Variants in RANBP2 observed in about 807,000 individuals in gnomAD.
RANBP2 encodes the protein E3 SUMO-protein ligase RanBP2.
A neutral mutation model predicts 303.6 loss-of-function variants in RANBP2; 57 were observed. That is an observed-to-expected ratio of 0.19 (90% CI 0.15 to 0.23). RANBP2 has a LOEUF of 0.23. Among genes scored for constraint, RANBP2 ranks in the 10% least tolerant of loss-of-function variants. RANBP2 has a pLI of 1.00. For missense variants in RANBP2, 3,138 were observed against 3,780.8 expected, an observed-to-expected ratio of 0.83 and a Z score of 4.46; for synonymous variants, 1,167 against 1,301.5, an observed-to-expected ratio of 0.90 and a Z score of 2.23.
chr2:108,909,658 G>A, the RANBP2 span, among the ~76,000 whole-genome samples: 1 of 152,256 alleles, frequency 6.6e-6, no homozygotes, highest in Admixed American at 6.5e-5. Flanking sequence ...AGCTGATGCT[G>A]TGGGGTTGAT....
the RANBP2 span, among the ~76,000 whole-genome samples, chr2:109,648,274 G>C: frequency 1.3e-5 from 2 of 152,228 alleles, no homozygotes; most frequent in Non-Finnish European, 2.9e-5. Flanking sequence ...GCTGGCTGCA[G>C]CCTGGCAGGG....
At chr2:109,519,670 A>C in the RANBP2 span, among the ~76,000 whole-genome samples, 2 of 152,084 alleles carry the variant, frequency 1.3e-5, no homozygotes, top group African/African-American at 4.8e-5. Context: ...AAAACCACAT[A>C]TGTCACTCGG....
At chr2:109,271,983 G>T in the RANBP2 span, among the ~76,000 whole-genome samples, 1 of 152,188 alleles carries the variant, frequency 6.6e-6, no homozygotes, top group African/African-American at 2.4e-5. Flanking sequence ...TTCAGAATGG[G>T]GTCTTTGGGT....
the RANBP2 span, among the ~76,000 whole-genome samples, chr2:108,914,750 T>C: frequency 1.3e-5 from 2 of 152,310 alleles, no homozygotes; most frequent in East Asian, 3.9e-4. Flanking sequence ...TGAAGTGCAC[T>C]TGGTCTACAG....
chr2:109,734,163 A>T, the RANBP2 span, among the ~76,000 whole-genome samples: 4 of 135,486 alleles, frequency 3.0e-5, no homozygotes, highest in East Asian at 8.7e-4. Flanking sequence ...AGGGTGACAG[A>T]GAAAGACTCC....
intron 7 of RANBP2, among the ~76,000 whole-genome samples, chr2:108,742,460 T>C (rs911279220): frequency 2.0e-5 from 3 of 151,752 alleles, no homozygotes; most frequent in East Asian, 2.0e-4. Flanking sequence ...CACACCACCA[T>C]GCCTGGCTAA....
At chr2:109,394,566 AT>A in the RANBP2 span, among the ~76,000 whole-genome samples, 1 of 152,252 alleles carries the variant, frequency 6.6e-6, no homozygotes, top group Non-Finnish European at 1.5e-5. Flanking sequence ...TGATGTTATC[AT>A]TTTGTTTCCA....
At chr2:109,541,909 A>G in the RANBP2 span, among the ~76,000 whole-genome samples, 9,713 of 152,254 alleles carry the variant, frequency 0.064, 395 homozygotes, top group Non-Finnish European at 0.093. Context: ...TCCTGGCCCA[A>G]TAGGAACACG....
chr2:108,984,511 T>C, the RANBP2 span, among the ~76,000 whole-genome samples: 1 of 152,146 alleles, frequency 6.6e-6, no homozygotes, highest in South Asian at 2.1e-4. Flanking sequence ...TCCGGCAGCA[T>C]GGCCTTCCTG....
chr2:109,506,249 C>A, the RANBP2 span, among the ~76,000 whole-genome samples: 1 of 152,194 alleles, frequency 6.6e-6, no homozygotes, highest in South Asian at 2.1e-4. Context: ...CTGCCTCTAA[C>A]TGACACTGAC....
At chr2:109,102,334 T>C in the RANBP2 span, among the ~76,000 whole-genome samples, 2 of 151,604 alleles carry the variant, frequency 1.3e-5, no homozygotes, top group Admixed American at 1.3e-4. Flanking sequence ...TCTTCAGACC[T>C]CGTGATCCGC....
the RANBP2 span, among the ~76,000 whole-genome samples, chr2:109,127,017 G>A: frequency 6.6e-6 from 1 of 152,204 alleles, no homozygotes; most frequent in African/African-American, 2.4e-5. Context: ...ATGTGAACAT[G>A]TTTCCATGCA....
At chr2:109,056,100 C>T in the RANBP2 span, among the ~76,000 whole-genome samples, 1 of 151,834 alleles carries the variant, frequency 6.6e-6, no homozygotes, top group Non-Finnish European at 1.5e-5. Flanking sequence ...TGCTGTTGCT[C>T]AGAATTTACT....
chr2:109,241,542 C>CTCCCTCCCACACAACCTTCT, the RANBP2 span, among the ~76,000 whole-genome samples: 1 of 152,102 alleles, frequency 6.6e-6, no homozygotes, highest in Non-Finnish European at 1.5e-5. Context: ...ACCATCCGTC[C>CTCCCTCCCACACAACCTTCT]TCCCTCCCAC....
the RANBP2 span, among the ~76,000 whole-genome samples, chr2:109,375,539 G>A: frequency 6.6e-5 from 10 of 152,326 alleles, no homozygotes; most frequent in East Asian, 1.4e-3. Context: ...CTTCCTTCTG[G>A]GTCTTTAGCC....
the RANBP2 span, among the ~76,000 whole-genome samples, chr2:109,721,018 T>G: frequency 1.3e-5 from 2 of 152,126 alleles, no homozygotes; most frequent in Non-Finnish European, 2.9e-5. Context: ...AGAGGGCTGG[T>G]GCAGCATCAC....
the RANBP2 span, among the ~76,000 whole-genome samples, chr2:109,297,281 C>G: frequency 2.6e-5 from 4 of 152,098 alleles, no homozygotes; most frequent in Non-Finnish European, 4.4e-5. Context: ...AAATGCTGTA[C>G]GTAACAGAGA....
chr2:109,154,264 G>A, the RANBP2 span, among the ~76,000 whole-genome samples: 21,529 of 152,232 alleles, frequency 0.14, 1,690 homozygotes, highest in Middle Eastern at 0.21. Flanking sequence ...CACATTGGAT[G>A]GAAGCTGGGA....
At chr2:109,254,121 C>T in the RANBP2 span, among the ~76,000 whole-genome samples, 1 of 152,124 alleles carries the variant, frequency 6.6e-6, no homozygotes, top group Admixed American at 6.5e-5. Flanking sequence ...AGCATGACTG[C>T]CTCACCAACC....
Sources: allele counts gnomAD v4.1 joint callset (sites outside exome capture counted in the v4.1 genomes callset), GRCh38; gene constraint gnomAD v4.1.1; transcripts MANE v1.5; gene names NCBI Gene and HGNC (gene_info 2026-07-23, HGNC 2026-07-21).